SPRYD7: variants seen among roughly 807,000 people sequenced by gnomAD.
SPRYD7 encodes the protein SPRY domain-containing protein 7.
SPRYD7 carries 14 observed loss-of-function variants against 23.8 expected under a neutral mutation model. The ratio of observed to expected loss-of-function variants is 0.59; its 90% confidence interval spans 0.39 to 0.92. The LOEUF (loss-of-function observed/expected upper bound fraction) is 0.92. Among genes scored for constraint, SPRYD7 ranks in the 40% least tolerant of loss-of-function variants. The pLI, the probability that SPRYD7 is intolerant of heterozygous loss-of-function variation, is 0.00. For synonymous variants in SPRYD7, 75 were observed against 84.9 expected, an observed-to-expected ratio of 0.88 and a Z score of 0.64; for missense variants, 194 against 241.7, an observed-to-expected ratio of 0.80 and a Z score of 1.31.
At chr13:49,921,256 C>T (rs950092353) in intron 4 of SPRYD7, among the ~76,000 whole-genome samples, 1 of 152,126 alleles carries the variant, frequency 6.6e-6, no homozygotes, top group African/African-American at 2.4e-5. Flanking sequence ...CTTCTCCTTC[C>T]TATTGCCATG....
In SPRYD7 at chr13:49,936,282, A is replaced by G. The variant is rs200866128; in HGVS notation, c.-47T>C. The G allele has an allele frequency of 1.7e-5, 23 of 1,385,306 alleles. No homozygotes were observed. In the East Asian group the frequency reaches 5.6e-4, roughly 34 times the overall value. The allele number at this position is 1,385,306 out of a possible 1,614,324, so 85.8% of individuals were successfully genotyped here. ...GCCGCCGTCCCTAGACCGAGGCGAC[A>G]CTGCCCCCCGCCGCTCAGCTCCGTC... On this transcript the variant is annotated 5_prime_UTR_variant, in exon 1 of 5. Transcript: ENST00000361840.
Position 49,919,726 on chromosome 13 carries a change from C to CA in SPRYD7, c.493+1751dup, listed in dbSNP as rs1303310878. Among the ~76,000 whole-genome samples, 619 of 72,750 alleles carry CA rather than the reference C, an allele frequency of 8.5e-3. 6 individuals carry two copies. The highest frequency in any genetic ancestry group is 0.011 in the Non-Finnish European group (404 of 35,482). 47.7% of individuals were successfully genotyped at this position (72,750 alleles called of 152,430 possible). A position where few individuals can be genotyped will look rare whatever the true frequency, so the allele number is the denominator to read the frequency against. On this transcript the variant is annotated intron_variant, in intron 4 of 4. Transcript: ENST00000361840. ...TGGGTGACAGAGTGAGACTCTGTCT[C>CA]AAAAAAAAAAAAAAAAAAAAGTTGA... is the stretch of plus-strand genomic sequence containing the variant.
chr13:49,926,983 A>T (rs1254256235), intron 3 of SPRYD7, among the ~76,000 whole-genome samples: 1 of 152,182 alleles, frequency 6.6e-6, no homozygotes, highest in Non-Finnish European at 1.5e-5. Flanking sequence ...AGCTTTGTAA[A>T]GAGTTAAATA....
intron 3 of SPRYD7, among the ~76,000 whole-genome samples, chr13:49,923,775 T>C (rs1955847270): frequency 6.6e-6 from 1 of 152,154 alleles, no homozygotes; most frequent in Admixed American, 6.5e-5. Context: ...ATTACAGGCA[T>C]GTGCCACTGT....
At chr13:49,915,457 T>C (rs1233150295) in intron 4 of SPRYD7, among the ~76,000 whole-genome samples, 1 of 152,198 alleles carries the variant, frequency 6.6e-6, no homozygotes, top group Non-Finnish European at 1.5e-5. Context: ...TTATCTGCAT[T>C]TTCTCAATTT....
At chr13:49,927,027 A>C (rs1395321902) in intron 3 of SPRYD7, among the ~76,000 whole-genome samples, 1 of 152,204 alleles carries the variant, frequency 6.6e-6, no homozygotes. Flanking sequence ...AAAAGTCTTA[A>C]TAACGTGTAA....
chr13:49,917,152 G>A (rs1030149249), intron 4 of SPRYD7, among the ~76,000 whole-genome samples: 1 of 152,086 alleles, frequency 6.6e-6, no homozygotes, highest in Non-Finnish European at 1.5e-5. Context: ...CACCCAGGCT[G>A]GAGTGCAGTG....
intron 4 of SPRYD7, among the ~76,000 whole-genome samples, chr13:49,917,704 T>C (rs941543725): frequency 6.6e-6 from 1 of 152,250 alleles, no homozygotes; most frequent in African/African-American, 2.4e-5. Flanking sequence ...TAAACTTATT[T>C]GCTACAGTTA....
intron 1 of SPRYD7, among the ~76,000 whole-genome samples, chr13:49,934,734 T>A (rs992432843): frequency 1.3e-5 from 2 of 152,046 alleles, no homozygotes; most frequent in African/African-American, 4.8e-5. Flanking sequence ...AGGAAACAGA[T>A]GACAGAGAAA....
At chr13:49,932,375 A>G (rs1281337015) in intron 1 of SPRYD7, among the ~76,000 whole-genome samples, 2 of 152,218 alleles carry the variant, frequency 1.3e-5, no homozygotes, top group African/African-American at 4.8e-5. Context: ...TCTTACATGC[A>G]CTTTATTCTC....
intron 1 of SPRYD7, among the ~76,000 whole-genome samples, chr13:49,931,834 G>A (rs1446960477): frequency 6.6e-6 from 1 of 152,136 alleles, no homozygotes; most frequent in African/African-American, 2.4e-5. Context: ...TGTAGTCCCA[G>A]CTACTTGGGA....
chr13:49,924,636 TAAG>T (rs1413125021), intron 3 of SPRYD7, among the ~76,000 whole-genome samples: 5 of 151,938 alleles, frequency 3.3e-5, no homozygotes, highest in African/African-American at 4.8e-5. Context: ...TTAACTCACA[TAAG>T]AAGTTACTTA....
intron 2 of SPRYD7, among the ~76,000 whole-genome samples, 156 bp from the exon 3 acceptor site, chr13:49,928,241 G>A (rs1375170986): frequency 6.6e-6 from 1 of 152,066 alleles, no homozygotes; most frequent in African/African-American, 2.4e-5. Flanking sequence ...GAAGTAGTTT[G>A]CACCAGCCTG....
At chr13:49,921,107 T>A (rs747246299) in intron 4 of SPRYD7, among the ~76,000 whole-genome samples, 3 of 152,182 alleles carry the variant, frequency 2.0e-5, no homozygotes, top group Non-Finnish European at 4.4e-5. Flanking sequence ...GTTCCCATTA[T>A]CCCCATGTGT....
chr13:49,933,987 TACA>T (rs550107532), intron 1 of SPRYD7, among the ~76,000 whole-genome samples: 137 of 151,946 alleles, frequency 9.0e-4, no homozygotes, highest in African/African-American at 3.2e-3. Flanking sequence ...TTTTAAGTAA[TACA>T]ACATCACTAA....
intron 1 of SPRYD7, 43 bp from the exon 2 acceptor site, chr13:49,931,177 T>G (rs772459902): frequency 4.7e-6 from 6 of 1,268,486 alleles, no homozygotes; most frequent in Middle Eastern, 2.0e-4. Flanking sequence ...TTGTATTTTC[T>G]TTTCTTTTCT....
chr13:49,923,585 T>C (rs1236940498), intron 3 of SPRYD7, among the ~76,000 whole-genome samples: 1 of 151,904 alleles, frequency 6.6e-6, no homozygotes, highest in Non-Finnish European at 1.5e-5. Flanking sequence ...AGTAGCAAAA[T>C]CCCAGTACCA....
In SPRYD7 at chr13:49,936,292, G is replaced by A; in HGVS notation, c.-57C>T. Reference sequence around the variant, plus strand: ...CTAGACCGAGGCGACACTGCCCCCCGCCGCTCAGCTCCGTCTCCTGCCCCC... The same window carrying A: ...CTAGACCGAGGCGACACTGCCCCCCACCGCTCAGCTCCGTCTCCTGCCCCC... On this transcript the variant is annotated 5_prime_UTR_variant, in exon 1 of 5. Transcript: ENST00000361840. The A allele has an allele frequency of 6.1e-6, 8 of 1,308,194 alleles. No homozygotes were observed. The highest frequency in any genetic ancestry group is 3.0e-5 in the African/African-American group (2 of 67,216). 81.0% of individuals were successfully genotyped at this position (1,308,194 alleles called of 1,614,324 possible).
At chr13:49,923,984 CTTTT>C (rs1288975552) in intron 3 of SPRYD7, among the ~76,000 whole-genome samples, 1 of 135,378 alleles carries the variant, frequency 7.4e-6, no homozygotes. Context: ...GAGACAAGGT[CTTTT>C]TTTTTTTTTT....
Sources: gnomAD v4.1 joint callset for allele counts (sites outside exome capture counted in the v4.1 genomes callset) on GRCh38, gnomAD v4.1.1 for gene constraint, MANE v1.5 for transcripts, NCBI Gene and HGNC (gene_info 2026-07-23, HGNC 2026-07-21) for gene names.